ZNF554: variants seen among roughly 807,000 people sequenced by gnomAD.
ZNF554 encodes the protein zinc finger protein 554.
In ZNF554, 15 loss-of-function variants were observed where a neutral mutation model predicts 21.2. The ratio of observed to expected loss-of-function variants is 0.71; its 90% CI spans 0.47 to 1.09. The LOEUF is 1.09. Ranked by LOEUF, ZNF554 falls within the 50% of genes least tolerant of loss-of-function variation. The pLI, the probability that ZNF554 is intolerant of heterozygous loss-of-function variation, is 0.00. For missense variants in ZNF554, 691 were observed against 662.7 expected (o/e 1.04, Z -0.47); for synonymous variants, 258 against 251.4 (o/e 1.03, Z -0.25).
In ZNF554 at chr19:2,820,004, A is replaced by AGGCC. The variant is rs956702300; in HGVS notation, c.-59_-56dup. 815 of 1,141,938 alleles carry AGGCC rather than the reference A, an allele frequency of 7.1e-4. No homozygotes were observed. Among genetic ancestry groups the AGGCC allele is most frequent in the Non-Finnish European group, 8.4e-4 (768 of 917,306 alleles). The allele number at this position is 1,141,938 out of a possible 1,614,324, so 70.7% of individuals were successfully genotyped here. A position where few individuals can be genotyped will look rare whatever the true frequency, so the allele number is the denominator to read the frequency against. On this transcript the variant is annotated 5_prime_UTR_variant, in exon 1 of 5. Coordinates refer to ENST00000317243, the MANE Select transcript of ZNF554 (RefSeq NM_001102651.2). Reference sequence around the variant, plus strand: ...GAGGCGTCCCAGGGACACGCAGGGGAGGCCGGCCGGCCTGCACGGGGCGCT... The same window carrying AGGCC: ...GAGGCGTCCCAGGGACACGCAGGGGAGGCCGGCCGGCCGGCCTGCACGGGGCGCT...
intron 1 of ZNF554, among the ~76,000 whole-genome samples, chr19:2,822,311 A>G (rs919379019): frequency 6.6e-6 from 1 of 152,040 alleles, no homozygotes; most frequent in African/African-American, 2.4e-5. Flanking sequence ...TCAGCCTCCC[A>G]AAGTGCTGGG....
rs1164669416 is a variant in ZNF554, at chr19:2,827,750, C to T, written c.253+7C>T. ...AGGAACGTGGTCTCCCTGGGTAAGG[C>T]AAGCATCACTAATTCCTGTGTTCAT... On this transcript the variant is annotated splice_region_variant and intron_variant, in intron 3 of 4. Transcript: ENST00000317243. 1 of 1,613,748 alleles carries T rather than the reference C, an allele frequency of 6.2e-7. No individual in the cohort carries two copies. Among genetic ancestry groups the T allele is most frequent in the East Asian group, 2.2e-5 (1 of 44,884 alleles).
chr19:2,821,375 T>A lies in ZNF554; in HGVS notation c.53+1251T>A, dbSNP rs560033149. Among the ~76,000 whole-genome samples, 1 of 151,988 alleles carries A rather than the reference T, an allele frequency of 6.6e-6. No individual in the cohort carries two copies. Among genetic ancestry groups the A allele is most frequent in the Non-Finnish European group, 1.5e-5 (1 of 67,998 alleles). On this transcript the variant is annotated intron_variant, in intron 1 of 4. Transcript: ENST00000317243. The surrounding 1 kb of genome is among the most constrained non-coding windows in gnomAD (Gnocchi z 8.2). ...CAAAGTGACCACTGCGCCCGGCGCC[T>A]TTGGTTCTTACATGAGCCTCCTGGA...
rs763522201 is a variant in ZNF554, at chr19:2,834,592, C to T, written c.1357C>T (p.Gln453Ter). Reference protein sequence around the residue: ...KAFSDRSSLNQHERTHTGENP... With the variant: ...KAFSDRSSLN The stretch of plus-strand genomic sequence containing the variant: ...CTTCAGTGACCGTTCCTCTCTCAAC[C>T]AGCACGAGCGAACTCACACGGGCGA... Residue 453 changes from glutamine (Q) to a stop codon, truncating the protein, a stop_gained, in exon 5 of 5, where the codon CAG becomes TAG. Coordinates refer to ENST00000317243, the MANE Select transcript of ZNF554 (RefSeq NM_001102651.2). LOFTEE classifies it low-confidence loss of function (END_TRUNC). The T allele has an allele frequency of 6.2e-7, 1 of 1,614,036 alleles. No individual in the cohort carries two copies. Among genetic ancestry groups the T allele is most frequent in the South Asian group, 1.1e-5 (1 of 91,076 alleles).
At chr19:2,820,491 C>A (rs528351500) in intron 1 of ZNF554, among the ~76,000 whole-genome samples, 99 of 152,238 alleles carry the variant, frequency 6.5e-4, no homozygotes, top group Non-Finnish European at 1.2e-3. Context: ...GGACACCGGG[C>A]GATGTCTGGG....
In ZNF554 at chr19:2,820,139, C is replaced by T; in HGVS notation, c.53+15C>T. 4.9e-6 allele frequency: 6 copies of T among 1,219,250 alleles called. No individual in the cohort carries two copies. The highest frequency in any genetic ancestry group is 6.1e-6 in the Non-Finnish European group (6 of 979,908). The allele number at this position is 1,219,250 out of a possible 1,614,324, so 75.5% of individuals were successfully genotyped here. The stretch of plus-strand genomic sequence containing the variant: ...GCAGCTCAGCCGTAAGTGCCGCCGC[C>T]TCCCGCGCCGCGACCTCCGTGCCGG... On this transcript the variant is annotated intron_variant, in intron 1 of 4. Coordinates refer to ENST00000317243, the MANE Select transcript of ZNF554 (RefSeq NM_001102651.2).
rs2087480963 is a variant in ZNF554 at position 2,834,967 on chromosome 19, A to G, written c.*115A>G. 4 of 946,350 alleles carry G rather than the reference A, an allele frequency of 4.2e-6. No homozygotes were observed. The allele number at this position is 946,350 out of a possible 1,614,324, so 58.6% of individuals were successfully genotyped here. The stretch of plus-strand genomic sequence containing the variant: ...AGAAGTGGGTTTATGTCACCTTCTC[A>G]CCTTCTTATAAGAAAGCTCTGAGAA... On this transcript the variant is annotated 3_prime_UTR_variant, in exon 5 of 5. Transcript: ENST00000317243.
Position 2,834,089 on chromosome 19 carries a change from A to G in ZNF554, c.854A>G (p.Asn285Ser), listed in dbSNP as rs1227344268. The change falls in exon 5 of 5, where the codon AAC becomes AGC. Residue 285 changes from asparagine (N) to serine (S), a missense_variant. Physicochemically the swap from Asn to Ser is conservative, Grantham distance 46. Coordinates refer to ENST00000317243, the MANE Select transcript of ZNF554 (RefSeq NM_001102651.2). ...GAATGTGGAAATGCCATCCGCCAGA[A>G]CAGTCACTTTATTCAACACGGGGGG... Reference protein sequence around the residue: ...SNECGNAIRQNSHFIQHGGKM... With the variant: ...SNECGNAIRQSSHFIQHGGKM... 3 of 1,613,984 alleles carry G rather than the reference A, an allele frequency of 1.9e-6. No individual in the cohort carries two copies. Among genetic ancestry groups the G allele is most frequent in the African/African-American group, 2.7e-5 (2 of 74,922 alleles).
rs2087282942 is a variant in ZNF554 at position 2,823,034 on chromosome 19, C to T, written c.54-6C>T. On this transcript the variant is annotated splice_region_variant and splice_polypyrimidine_tract_variant and intron_variant, in intron 1 of 4. Coordinates refer to ENST00000317243, the MANE Select transcript of ZNF554 (RefSeq NM_001102651.2). Reference sequence around the variant, plus strand: ...GGTATTCGCAGCGCCTTTTTCCTCCCCACAGCTCTGCCTGCCCAGGAACCT... The same window carrying T: ...GGTATTCGCAGCGCCTTTTTCCTCCTCACAGCTCTGCCTGCCCAGGAACCT... 1.2e-6 allele frequency: 2 copies of T among 1,612,830 alleles called. No individual in the cohort carries two copies. Among genetic ancestry groups the T allele is most frequent in the Non-Finnish European group, 1.7e-6 (2 of 1,179,312 alleles).
At chr19:2,829,709 A>G (rs2087387381) in intron 3 of ZNF554, among the ~76,000 whole-genome samples, 1 of 152,218 alleles carries the variant, frequency 6.6e-6, no homozygotes, top group African/African-American at 2.4e-5. Flanking sequence ...CTATATAAAC[A>G]TAAAATGTGC....
At chr19:2,820,480 G>A (rs1390939102) in intron 1 of ZNF554, among the ~76,000 whole-genome samples, 1 of 152,170 alleles carries the variant, frequency 6.6e-6, no homozygotes, top group Non-Finnish European at 1.5e-5. Flanking sequence ...TGCCCTCCAG[G>A]GGACACCGGG....
chr19:2,826,600 A>T (rs2087337858), intron 2 of ZNF554, among the ~76,000 whole-genome samples: 2 of 151,678 alleles, frequency 1.3e-5, no homozygotes, highest in South Asian at 4.2e-4. Flanking sequence ...CAGCCCCTTC[A>T]TATGTTGAAA....
chr19:2,824,911 T>C (rs549629874), intron 2 of ZNF554, among the ~76,000 whole-genome samples: 1 of 151,670 alleles, frequency 6.6e-6, no homozygotes, highest in South Asian at 2.1e-4. Context: ...TCTCTGAATC[T>C]GACAACTCTA....
chr19:2,826,929 T>C (rs932685206), intron 2 of ZNF554, among the ~76,000 whole-genome samples: 2 of 152,214 alleles, frequency 1.3e-5, no homozygotes, highest in Non-Finnish European at 2.9e-5. Flanking sequence ...CTCAAAGTGC[T>C]GGGATTACAG....
chr19:2,830,512 C>T (rs562507031), intron 3 of ZNF554: 4 of 152,302 alleles, frequency 2.6e-5, no homozygotes, highest in African/African-American at 9.6e-5. Context: ...TGCTTTGGGT[C>T]AATACTAGGA....
At chr19:2,827,842 G>A (rs1462246609) in intron 3 of ZNF554, 99 bp downstream of exon 3, 2 of 1,466,420 alleles carry the variant, frequency 1.4e-6, no homozygotes, top group Non-Finnish European at 9.3e-7. Context: ...CCAAGACTGG[G>A]TAATTTGTAA....
At chr19:2,830,808 G>C (rs1470732453) in intron 3 of ZNF554, 2 of 151,524 alleles carry the variant, frequency 1.3e-5, no homozygotes, top group Non-Finnish European at 2.9e-5. Flanking sequence ...TCGTTGCCCA[G>C]GCTGAAGTGC....
At chr19:2,822,994 G>T (rs1264840301) in intron 1 of ZNF554, 46 bp from the exon 2 acceptor site, 5 of 1,589,262 alleles carry the variant, frequency 3.1e-6, no homozygotes, top group Admixed American at 3.4e-5. Context: ...GGGATCTGGG[G>T]ACTGGCCTGG....
intron 3 of ZNF554, chr19:2,830,940 AT>A (rs1312333983): frequency 1.3e-5 from 2 of 151,784 alleles, no homozygotes; most frequent in South Asian, 2.1e-4. Flanking sequence ...CTGTTTTTGT[AT>A]TTTTAATAGA....
Sources: allele counts gnomAD v4.1 joint callset (sites outside exome capture counted in the v4.1 genomes callset), GRCh38; gene constraint gnomAD v4.1.1; non-coding constraint Gnocchi (gnomAD v3.1); transcripts MANE v1.5; gene names NCBI Gene and HGNC (gene_info 2026-07-23, HGNC 2026-07-21).